The following CADM2 variants were observed in gnomAD, a reference collection of about 807,000 sequenced individuals.
The protein encoded by CADM2 is immunoglobulin superfamily member 4D.
Under a neutral mutation model 49.8 loss-of-function variants are expected in CADM2, and 12 were observed. The observed-to-expected ratio is 0.24, with a 90% CI of 0.15 to 0.39. CADM2 has a LOEUF of 0.39. Among genes scored for constraint, CADM2 ranks in the 10% least tolerant of loss-of-function variants. The pLI, the probability that CADM2 is intolerant of heterozygous loss-of-function variation, is 1.00. For synonymous variants in CADM2, 214 were observed against 175.4 expected (o/e 1.22, Z -1.74); for missense variants, 378 against 492.3 (o/e 0.77, Z 2.20).
intron 1 of CADM2, among the ~76,000 whole-genome samples, chr3:85,119,039 A>G (rs1051553865): frequency 6.6e-6 from 1 of 152,146 alleles, no homozygotes; most frequent in Non-Finnish European, 1.5e-5. Context: ...TTGAGCCACC[A>G]CACCCAGCCT....
intron 1 of CADM2, among the ~76,000 whole-genome samples, chr3:85,546,923 A>G (rs1014829498): frequency 1.3e-5 from 2 of 152,072 alleles, no homozygotes; most frequent in African/African-American, 4.8e-5. Context: ...TTTCAATCAC[A>G]GTGTTTTATA....
intron 6 of CADM2, among the ~76,000 whole-genome samples, chr3:85,927,532 T>C (rs1720033376): frequency 6.6e-6 from 1 of 152,210 alleles, no homozygotes; most frequent in Admixed American, 6.5e-5. Context: ...TGTAAGTGTT[T>C]GTCAAATGAA....
At chr3:85,341,235 T>C (rs2045231648) in intron 1 of CADM2, among the ~76,000 whole-genome samples, 1 of 151,962 alleles carries the variant, frequency 6.6e-6, no homozygotes, top group African/African-American at 2.4e-5. Flanking sequence ...ATTATAATCA[T>C]TAGACAAATT....
chr3:85,086,222 T>C (rs2037369029), intron 1 of CADM2, among the ~76,000 whole-genome samples: 1 of 152,132 alleles, frequency 6.6e-6, no homozygotes, highest in South Asian at 2.1e-4. Context: ...AAGTAGCTCA[T>C]ACAGAAATAA....
At chr3:85,600,092 T>C (rs1207663675) in intron 1 of CADM2, among the ~76,000 whole-genome samples, 2 of 152,028 alleles carry the variant, frequency 1.3e-5, no homozygotes. Flanking sequence ...GCTGATTTAT[T>C]TGATATATTA....
At chr3:85,974,717 T>C (rs531354380) in intron 8 of CADM2, among the ~76,000 whole-genome samples, 13 of 151,660 alleles carry the variant, frequency 8.6e-5, no homozygotes, top group Non-Finnish European at 1.6e-4. Context: ...ATTATTTACA[T>C]TGCATTTATT....
chr3:85,613,412 T>C (rs866204925), intron 1 of CADM2, among the ~76,000 whole-genome samples: 7 of 151,686 alleles, frequency 4.6e-5, no homozygotes. Flanking sequence ...ATTATGCCTT[T>C]GATTCTGAAA....
intron 1 of CADM2, among the ~76,000 whole-genome samples, chr3:85,213,626 C>T (rs1318041900): frequency 2.6e-5 from 4 of 152,030 alleles, no homozygotes; most frequent in Middle Eastern, 3.2e-3. Flanking sequence ...GACATCTATT[C>T]GATATTTATT....
chr3:85,169,078 G>A (rs1210996909), intron 1 of CADM2, among the ~76,000 whole-genome samples: 3 of 152,040 alleles, frequency 2.0e-5, no homozygotes, highest in Non-Finnish European at 4.4e-5. Flanking sequence ...TCAGCCTCAG[G>A]AGTATCTGGG....
chr3:85,151,472 A>G (rs1235803938), intron 1 of CADM2, among the ~76,000 whole-genome samples: 1 of 152,036 alleles, frequency 6.6e-6, no homozygotes, highest in Non-Finnish European at 1.5e-5. Flanking sequence ...AGAATAGAAC[A>G]TAAATACACT....
intron 1 of CADM2, among the ~76,000 whole-genome samples, chr3:85,031,659 C>T (rs1454730367): frequency 2.0e-5 from 3 of 152,074 alleles, no homozygotes; most frequent in Non-Finnish European, 4.4e-5. Context: ...GGACTACAGG[C>T]ACACGCCACC....
intron 1 of CADM2, among the ~76,000 whole-genome samples, chr3:85,622,807 A>G (rs2064014289): frequency 2.0e-5 from 3 of 152,178 alleles, no homozygotes. Context: ...AGTAATATGT[A>G]ATAAACAATG....
intron 1 of CADM2, among the ~76,000 whole-genome samples, chr3:85,166,261 A>G (rs998336339): frequency 2.6e-5 from 4 of 151,848 alleles, no homozygotes; most frequent in African/African-American, 9.7e-5. Flanking sequence ...ATGTGCTATA[A>G]TATTTTTGAA....
intron 1 of CADM2, among the ~76,000 whole-genome samples, chr3:85,075,335 A>C (rs2107484714): frequency 6.6e-6 from 1 of 152,222 alleles, no homozygotes; most frequent in East Asian, 1.9e-4. Context: ...TTCTTCTGTA[A>C]ATAGTTGAGG....
At chr3:85,121,099 A>G (rs926285062) in intron 1 of CADM2, among the ~76,000 whole-genome samples, 3 of 152,170 alleles carry the variant, frequency 2.0e-5, no homozygotes, top group Non-Finnish European at 2.9e-5. Context: ...CTCAATTTCA[A>G]GTAAATGAGA....
intron 8 of CADM2, among the ~76,000 whole-genome samples, chr3:86,021,149 A>T (rs1733114424): frequency 6.6e-6 from 1 of 152,020 alleles, no homozygotes; most frequent in Non-Finnish European, 1.5e-5. Flanking sequence ...ACAGGCATCC[A>T]CCACCACGCC....
chr3:85,778,616 A>G (rs1021858929), intron 2 of CADM2, among the ~76,000 whole-genome samples: 1 of 152,184 alleles, frequency 6.6e-6, no homozygotes, highest in African/African-American at 2.4e-5. Flanking sequence ...AGGCCTCTCA[A>G]CCATGCAGAA....
At chr3:85,778,176 G>C (rs1470337349) in intron 2 of CADM2, among the ~76,000 whole-genome samples, 2 of 152,034 alleles carry the variant, frequency 1.3e-5, no homozygotes, top group Non-Finnish European at 2.9e-5. Context: ...TATTATTTTG[G>C]TGTTCAAAAA....
At chr3:85,865,313 A>G (rs2075683642) in intron 3 of CADM2, among the ~76,000 whole-genome samples, 1 of 152,182 alleles carries the variant, frequency 6.6e-6, no homozygotes, top group Non-Finnish European at 1.5e-5. Context: ...TGTAGTTTTC[A>G]TTGTATTTGC....
Sources: gnomAD v4.1 joint callset for allele counts (sites outside exome capture counted in the v4.1 genomes callset) on GRCh38, gnomAD v4.1.1 for gene constraint, MANE v1.5 for transcripts, NCBI Gene and HGNC (gene_info 2026-07-23, HGNC 2026-07-21) for gene names.